The following ADARB2 variants were observed in gnomAD, a reference collection of about 807,000 sequenced individuals.
The protein encoded by ADARB2 is adenosine deaminase RNA specific B2 (inactive), also known as inactive double-stranded RNA-specific editase B2.
In ADARB2, 25 loss-of-function variants were observed where a neutral mutation model predicts 62.2. That is an observed-to-expected ratio of 0.40 (90% CI 0.29 to 0.56). The LOEUF is 0.56. ADARB2 is among the 20% of genes least tolerant of loss of function. ADARB2 has a pLI of 0.43. For synonymous variants in ADARB2, 572 were observed against 500.8 expected (o/e 1.14, Z -1.90); for missense variants, 1,071 against 1,077.4 (o/e 0.99, Z 0.08).
At chr10:1,361,024 A>G (rs1249374696) in intron 3 of ADARB2, 1 of 152,272 alleles carries the variant, frequency 6.6e-6, no homozygotes, top group African/African-American at 2.4e-5. Context: ...TCAACAGAAG[A>G]GTGGCAGGCT....
intron 1 of ADARB2, among the ~76,000 whole-genome samples, chr10:1,513,401 G>A (rs911300607): frequency 6.6e-6 from 1 of 152,334 alleles, no homozygotes; most frequent in South Asian, 2.1e-4. Flanking sequence ...GCGCCCTGCA[G>A]CCGACTCTGG....
At chr10:1,615,390 C>T (rs1681120182) in intron 1 of ADARB2, among the ~76,000 whole-genome samples, 1 of 152,232 alleles carries the variant, frequency 6.6e-6, no homozygotes, top group Non-Finnish European at 1.5e-5. Context: ...GCAGCACAGC[C>T]CTGGATGTGG....
chr10:1,541,064 C>T (rs1832417627), intron 1 of ADARB2, among the ~76,000 whole-genome samples: 1 of 86,028 alleles, frequency 1.2e-5, no homozygotes, highest in African/African-American at 4.8e-5. Flanking sequence ...CACAGCCGCC[C>T]AGACCCCACT....
At chr10:1,719,923 A>G (rs1052643496) in intron 1 of ADARB2, among the ~76,000 whole-genome samples, 1 of 152,238 alleles carries the variant, frequency 6.6e-6, no homozygotes, top group African/African-American at 2.4e-5. Context: ...AAAAAAGAGA[A>G]TGCTTATACA....
intron 1 of ADARB2, among the ~76,000 whole-genome samples, chr10:1,537,782 G>A (rs189449596): frequency 1.8e-3 from 275 of 152,188 alleles, no homozygotes; most frequent in Admixed American, 5.2e-3. Flanking sequence ...TGGACACAGG[G>A]AGGGGAACAT....
At chr10:1,390,948 A>G (rs1370298691) in intron 1 of ADARB2, among the ~76,000 whole-genome samples, 1 of 152,234 alleles carries the variant, frequency 6.6e-6, no homozygotes, top group African/African-American at 2.4e-5. Context: ...AAACTACAGA[A>G]AAAACAGGAT....
chr10:1,518,623 A>G (rs758531044), intron 1 of ADARB2, among the ~76,000 whole-genome samples: 1 of 152,010 alleles, frequency 6.6e-6, no homozygotes, highest in Non-Finnish European at 1.5e-5. Flanking sequence ...TGTCATACAC[A>G]TGCATTCCGT....
chr10:1,571,931 G>A (rs1030391041), intron 1 of ADARB2, among the ~76,000 whole-genome samples: 36 of 146,798 alleles, frequency 2.5e-4, no homozygotes, highest in Admixed American at 6.8e-5. Flanking sequence ...CAGGTGATAT[G>A]CTGGTGAGCG....
chr10:1,221,633 G>C (rs1470755801), intron 6 of ADARB2, among the ~76,000 whole-genome samples: 2 of 141,708 alleles, frequency 1.4e-5, no homozygotes, highest in African/African-American at 2.6e-5. Flanking sequence ...TGTTCTCATT[G>C]TTCAATTCCC....
chr10:1,510,483 A>G (rs1831923135), intron 1 of ADARB2, among the ~76,000 whole-genome samples: 1 of 152,188 alleles, frequency 6.6e-6, no homozygotes, highest in Non-Finnish European at 1.5e-5. Context: ...TGCAGGCACC[A>G]GAAGTGATTT....
intron 1 of ADARB2, among the ~76,000 whole-genome samples, chr10:1,577,866 G>A (rs1335911169): frequency 1.3e-5 from 2 of 152,202 alleles, no homozygotes; most frequent in Non-Finnish European, 1.5e-5. Context: ...GCACAAATCC[G>A]ATCTGCCTGG....
intron 1 of ADARB2, among the ~76,000 whole-genome samples, chr10:1,470,318 C>A (rs1374136436): frequency 1.3e-5 from 2 of 152,218 alleles, no homozygotes; most frequent in African/African-American, 4.8e-5. Flanking sequence ...TACTCCTAGT[C>A]CAACTGCAGT....
intron 1 of ADARB2, among the ~76,000 whole-genome samples, chr10:1,668,045 C>T (rs138159321): frequency 1.1e-4 from 16 of 152,294 alleles, no homozygotes; most frequent in African/African-American, 2.4e-4. Flanking sequence ...CTGGATGAGG[C>T]GTTAGCAGGA....
intron 1 of ADARB2, among the ~76,000 whole-genome samples, chr10:1,587,741 C>T (rs1351611401): frequency 1.3e-5 from 2 of 152,118 alleles, no homozygotes; most frequent in African/African-American, 4.8e-5. Context: ...ATTGTAGCTC[C>T]CATAATTCCC....
intron 1 of ADARB2, among the ~76,000 whole-genome samples, chr10:1,478,697 C>T (rs537964880): frequency 3.3e-5 from 5 of 150,802 alleles, no homozygotes; most frequent in African/African-American, 4.9e-5. Context: ...CAAGGACCCT[C>T]GGACGGGAGA....
At chr10:1,597,621 A>G (rs1226666234) in intron 1 of ADARB2, among the ~76,000 whole-genome samples, 9 of 152,230 alleles carry the variant, frequency 5.9e-5, no homozygotes, top group Admixed American at 5.9e-4. Context: ...TCAATGAACA[A>G]CAGATGCTGG....
chr10:1,592,041 C>T (rs968272503), intron 1 of ADARB2, among the ~76,000 whole-genome samples: 2 of 152,186 alleles, frequency 1.3e-5, no homozygotes, highest in African/African-American at 4.8e-5. Context: ...TTTTTACAAC[C>T]CTGGTTTTCC....
intron 1 of ADARB2, among the ~76,000 whole-genome samples, chr10:1,690,258 C>A (rs966943098): frequency 9.8e-5 from 15 of 152,340 alleles, no homozygotes; most frequent in African/African-American, 3.4e-4. Flanking sequence ...TTGCACAAGA[C>A]ACAGTACCAG....
intron 4 of ADARB2, among the ~76,000 whole-genome samples, chr10:1,264,387 C>T (rs999031404): frequency 1.3e-5 from 2 of 152,184 alleles, no homozygotes; most frequent in Non-Finnish European, 1.5e-5. Context: ...CCTTATACTC[C>T]GCTTCTCTTA....
Sources: allele counts gnomAD v4.1 joint callset (sites outside exome capture counted in the v4.1 genomes callset), GRCh38; gene constraint gnomAD v4.1.1; transcripts MANE v1.5; gene names NCBI Gene and HGNC (gene_info 2026-07-23, HGNC 2026-07-21).